The following UNC13C variants were observed in gnomAD, a reference collection of about 807,000 sequenced individuals.
The protein encoded by UNC13C is unc-13 homolog C, also known as protein unc-13 homolog C.
UNC13C carries 174 observed loss-of-function variants against 245.4 expected under a neutral mutation model. The observed-to-expected ratio is 0.71, with a 90% confidence interval of 0.63 to 0.80. UNC13C has a LOEUF of 0.80. Ranked by LOEUF, UNC13C falls within the 30% of genes least tolerant of loss-of-function variation. UNC13C has a pLI of 0.00. For missense variants in UNC13C, 2,829 were observed against 2,602.9 expected, an observed-to-expected ratio of 1.09 and a Z score of -1.89; for synonymous variants, 992 against 895.1, an observed-to-expected ratio of 1.11 and a Z score of -1.93.
intron 24 of UNC13C, among the ~76,000 whole-genome samples, chr15:54,519,576 A>C (rs990483369): frequency 1.3e-5 from 2 of 152,184 alleles, no homozygotes; most frequent in Non-Finnish European, 2.9e-5. Context: ...GAATTTATAC[A>C]ACTGATACCT....
At chr15:53,934,010 C>T in the UNC13C span, among the ~76,000 whole-genome samples, 32 of 152,276 alleles carry the variant, frequency 2.1e-4, no homozygotes, top group African/African-American at 6.3e-4. Flanking sequence ...TGCCAGGCAA[C>T]TGCATGGCTT....
chr15:53,981,848 T>G (rs1893940481), intron 1 of UNC13C, among the ~76,000 whole-genome samples: 1 of 152,164 alleles, frequency 6.6e-6, no homozygotes, highest in African/African-American at 2.4e-5. Flanking sequence ...GAATCGTTTC[T>G]CCATCTCTTG....
At chr15:54,239,058 T>A (rs2035782691) in intron 7 of UNC13C, among the ~76,000 whole-genome samples, 2 of 152,348 alleles carry the variant, frequency 1.3e-5, no homozygotes, top group African/African-American at 4.8e-5. Context: ...TGAGACAGTT[T>A]ATCTGTGTCC....
intron 19 of UNC13C, among the ~76,000 whole-genome samples, chr15:54,451,145 A>G (rs1433440274): frequency 1.3e-5 from 2 of 152,024 alleles, no homozygotes; most frequent in Non-Finnish European, 2.9e-5. Context: ...GTCACTGAAA[A>G]TTCATATATT....
intron 2 of UNC13C, among the ~76,000 whole-genome samples, chr15:54,097,194 T>C (rs758507355): frequency 6.6e-6 from 1 of 152,258 alleles, no homozygotes; most frequent in South Asian, 2.1e-4. Context: ...CCCAGTCTTT[T>C]GTATTTGTCT....
chr15:54,611,104 A>C (rs1900069551), intron 30 of UNC13C, among the ~76,000 whole-genome samples: 1 of 152,210 alleles, frequency 6.6e-6, no homozygotes, highest in Non-Finnish European at 1.5e-5. Flanking sequence ...CAGTAGCTAC[A>C]AGTGGCCATC....
intron 2 of UNC13C, among the ~76,000 whole-genome samples, chr15:54,115,117 A>G (rs2141182697): frequency 6.6e-6 from 1 of 152,086 alleles, no homozygotes; most frequent in East Asian, 1.9e-4. Context: ...ATATATTTTT[A>G]CTTGTAATGT....
At chr15:54,084,733 C>G (rs568536625) in intron 2 of UNC13C, among the ~76,000 whole-genome samples, 21 of 152,184 alleles carry the variant, frequency 1.4e-4, no homozygotes, top group African/African-American at 4.8e-4. Flanking sequence ...AATATTACTG[C>G]TAGTTGAGTG....
chr15:54,422,069 C>A (rs1304385116), intron 19 of UNC13C, among the ~76,000 whole-genome samples: 1 of 152,004 alleles, frequency 6.6e-6, no homozygotes, highest in Non-Finnish European at 1.5e-5. Context: ...GAAGTACAAC[C>A]TTCTCACCCA....
chr15:54,063,613 C>A (rs921610706), intron 2 of UNC13C, among the ~76,000 whole-genome samples: 1 of 152,026 alleles, frequency 6.6e-6, no homozygotes, highest in African/African-American at 2.4e-5. Flanking sequence ...ATTTTTCCAG[C>A]AATAGCATGG....
chr15:54,419,925 A>G (rs1056030251), intron 19 of UNC13C, among the ~76,000 whole-genome samples: 1 of 151,966 alleles, frequency 6.6e-6, no homozygotes, highest in African/African-American at 2.4e-5. Flanking sequence ...TCTCTCTTAT[A>G]TGAGGCCTCA....
chr15:54,180,282 T>C (rs2033754461), intron 4 of UNC13C, among the ~76,000 whole-genome samples: 1 of 152,082 alleles, frequency 6.6e-6, no homozygotes. Context: ...TGGACTATTT[T>C]GCTTAGGATA....
chr15:54,569,834 T>A (rs1479153708), intron 30 of UNC13C, among the ~76,000 whole-genome samples: 1 of 152,024 alleles, frequency 6.6e-6, no homozygotes, highest in African/African-American at 2.4e-5. Flanking sequence ...TGGTAGGATA[T>A]AGATACGAAA....
chr15:53,896,628 T>G, the UNC13C span, among the ~76,000 whole-genome samples: 2 of 152,098 alleles, frequency 1.3e-5, no homozygotes, highest in Non-Finnish European at 2.9e-5. Context: ...TCCCTCTTCC[T>G]TAAAGGGAAC....
At chr15:53,950,694 A>T in the UNC13C span, among the ~76,000 whole-genome samples, 1 of 152,328 alleles carries the variant, frequency 6.6e-6, no homozygotes, top group East Asian at 1.9e-4. Context: ...AACTGGAGAA[A>T]ATCACATTTG....
intron 2 of UNC13C, among the ~76,000 whole-genome samples, chr15:54,136,676 A>G (rs148391056): frequency 3.5e-4 from 54 of 152,118 alleles, no homozygotes; most frequent in African/African-American, 1.3e-3. Flanking sequence ...GATGTTAGCT[A>G]TGGGCTTATT....
At chr15:54,246,877 G>A (rs7163249) in intron 7 of UNC13C, among the ~76,000 whole-genome samples, 39,109 of 151,864 alleles carry the variant, frequency 0.26, 5,643 homozygotes, top group African/African-American at 0.38. Flanking sequence ...TGTAACCTGC[G>A]CATCCTGCAC....
Position 54,322,059 on chromosome 15 carries a change from T to G in UNC13C, c.4389T>G (p.Val1463=). Residue 1463 remains valine, a synonymous_variant, in exon 14 of 33, where the codon GTT becomes GTG. Coordinates refer to ENST00000260323, the MANE Select transcript of UNC13C (RefSeq NM_001080534.3). The part of the protein sequence containing the change: ...AHTTVSTNIQ[V]SASDRFAATN... ...CAACAGTTTCAACAAACATACAGGT[T>G]TCTGCCTCAGATCGATTTGCTGCTA... 1 of 1,587,952 alleles carries G rather than the reference T, an allele frequency of 6.3e-7. No homozygotes were observed. The highest frequency in any genetic ancestry group is 2.3e-5 in the East Asian group (1 of 43,948).
In UNC13C at chr15:54,399,523, G is replaced by A. The variant is rs190781391; in HGVS notation, c.4847+6342G>A. Among the ~76,000 whole-genome samples the A allele has an allele frequency of 7.6e-4, 115 of 151,710 alleles. 2 individuals carry two copies. Among genetic ancestry groups the A allele is most frequent in the African/African-American group, 2.1e-3 (86 of 41,464 alleles). On this transcript the variant is annotated intron_variant, in intron 18 of 32. Coordinates refer to ENST00000260323, the MANE Select transcript of UNC13C (RefSeq NM_001080534.3). ...ATCCATTCTGTTATCTCATTTGTTC[G>A]CATGCATTGTACTATAACATGTAAT...
Sources: allele counts gnomAD v4.1 joint callset (sites outside exome capture counted in the v4.1 genomes callset), GRCh38; gene constraint gnomAD v4.1.1; transcripts MANE v1.5; gene names NCBI Gene and HGNC (gene_info 2026-07-23, HGNC 2026-07-21).